The following UBE3D variants were observed in gnomAD, a reference collection of about 807,000 sequenced individuals.
UBE3D encodes ubiquitin protein ligase E3D, also known as E3 ubiquitin-protein ligase E3D.
UBE3D carries 48 observed loss-of-function variants against 49.6 expected under a neutral mutation model. The observed-to-expected ratio is 0.97, with a 90% confidence interval of 0.77 to 1.23. UBE3D has a LOEUF of 1.23. Ranked by LOEUF, UBE3D falls within the 50% of genes most tolerant of loss-of-function variation. UBE3D has a pLI of 0.00. For synonymous variants in UBE3D, 189 were observed against 174.2 expected, an observed-to-expected ratio of 1.08 and a Z score of -0.67; for missense variants, 452 against 468.4, an observed-to-expected ratio of 0.96 and a Z score of 0.32.
intron 9 of UBE3D, among the ~76,000 whole-genome samples, chr6:82,944,109 G>A (rs1032624980): frequency 1.3e-5 from 2 of 151,884 alleles, no homozygotes; most frequent in Non-Finnish European, 2.9e-5. Context: ...TGGGGGTGAT[G>A]CAACCTACTG....
At chr6:83,013,817 T>C (rs540686343) in intron 8 of UBE3D, among the ~76,000 whole-genome samples, 1 of 152,326 alleles carries the variant, frequency 6.6e-6, no homozygotes, top group African/African-American at 2.4e-5. Context: ...TCCAGTGTGT[T>C]TGCTACTTCT....
chr6:82,992,686 TA>T (rs1171478524), intron 8 of UBE3D, among the ~76,000 whole-genome samples: 1 of 152,198 alleles, frequency 6.6e-6, no homozygotes, highest in Non-Finnish European at 1.5e-5. Flanking sequence ...GCTGTGTGTG[TA>T]TACTTGAATA....
intron 5 of UBE3D, among the ~76,000 whole-genome samples, chr6:83,027,460 A>AAAAAAAAAAAAAAAAAAC (rs1472360166): frequency 1.3e-5 from 2 of 148,654 alleles, no homozygotes; most frequent in Non-Finnish European, 1.5e-5. Flanking sequence ...AAAAAAAAAA[A>AAAAAAAAAAAAAAAAAAC]AGAAACCACT....
intron 8 of UBE3D, among the ~76,000 whole-genome samples, chr6:82,995,396 T>TTC (rs80045706): frequency 0.88 from 132,798 of 151,656 alleles, 58,213 homozygotes; most frequent in East Asian, 0.96. Flanking sequence ...AATTTAAAAC[T>TTC]TGTTTGTCAA....
the UBE3D span, among the ~76,000 whole-genome samples, chr6:82,885,172 A>AT: frequency 1.3e-5 from 2 of 151,780 alleles, no homozygotes; most frequent in African/African-American, 2.4e-5. Context: ...AAAAAAAAAA[A>AT]GCACTGACAA....
At chr6:83,054,378 A>C (rs1472019224) in intron 2 of UBE3D, 140 bp from the exon 3 acceptor site, 1 of 631,102 alleles carries the variant, frequency 1.6e-6, no homozygotes, top group African/African-American at 1.8e-5. Context: ...AATTAATACT[A>C]TCTGATGACT....
At chr6:83,041,578 A>T (rs1782673280) in intron 4 of UBE3D, among the ~76,000 whole-genome samples, 1 of 152,200 alleles carries the variant, frequency 6.6e-6, no homozygotes, top group Non-Finnish European at 1.5e-5. Context: ...CATTTCAGGA[A>T]AAAAAGAGCA....
intron 9 of UBE3D, among the ~76,000 whole-genome samples, chr6:82,927,872 G>A (rs563461122): frequency 5.9e-4 from 90 of 151,874 alleles, no homozygotes; most frequent in East Asian, 2.3e-3. Context: ...AAGATCAGTC[G>A]GTGCCAGTAG....
intron 1 of UBE3D, 128 bp downstream of exon 1, chr6:83,065,514 T>C (rs1341923666): frequency 2.4e-6 from 2 of 835,896 alleles, no homozygotes; most frequent in Non-Finnish European, 3.7e-6. Context: ...CTTTGAGTGA[T>C]CGAGAGGCTC....
chr6:83,001,287 A>T (rs1203564812), intron 8 of UBE3D, among the ~76,000 whole-genome samples: 4 of 152,204 alleles, frequency 2.6e-5, no homozygotes, highest in Non-Finnish European at 4.4e-5. Flanking sequence ...GATTGTAATA[A>T]GTCTGTGATA....
chr6:83,044,567 G>C lies in UBE3D; in HGVS notation c.458C>G (p.Ser153Ter). The C allele has an allele frequency of 1.2e-6, 2 of 1,614,118 alleles. No homozygotes were observed. Among genetic ancestry groups the C allele is most frequent in the Non-Finnish European group, 1.7e-6 (2 of 1,180,006 alleles). The stretch of plus-strand genomic sequence containing the variant: ...ACAGTCATTCTCTTGCGGATGAAGT[G>C]ATTTATTAGCAAAGGGGTCAGGATG... ...CCHPDPFANK[S>*]LHPQENDCFI... Residue 153 changes from serine to a stop codon, truncating the protein, a stop_gained, in exon 4 of 10, where the codon TCA becomes TGA. Transcript: ENST00000369747. LOFTEE classifies it high-confidence loss of function.
At chr6:82,961,990 A>ACG (rs1554192581) in intron 8 of UBE3D, among the ~76,000 whole-genome samples, 1 of 52,618 alleles carries the variant, frequency 1.9e-5, no homozygotes, top group Non-Finnish European at 4.9e-5. Context: ...TATTTTTTAT[A>ACG]CGTGTGTGTG....
chr6:82,918,244 C>A (rs1308674255), intron 9 of UBE3D, among the ~76,000 whole-genome samples: 12 of 150,966 alleles, frequency 7.9e-5, no homozygotes, highest in Admixed American at 2.6e-4. Context: ...ATTTACCCTT[C>A]TACCAGGGAA....
chr6:83,031,417 G>A (rs181149876), intron 5 of UBE3D, among the ~76,000 whole-genome samples: 2,048 of 152,308 alleles, frequency 0.013, 53 homozygotes, highest in African/African-American at 0.047. Context: ...CCATTTTCTG[G>A]GGGGAAATTC....
At chr6:83,020,137 A>T (rs1011557325) in intron 7 of UBE3D, among the ~76,000 whole-genome samples, 1 of 152,242 alleles carries the variant, frequency 6.6e-6, no homozygotes, top group Non-Finnish European at 1.5e-5. Context: ...ACAAATTCTT[A>T]TATTACATTA....
intron 8 of UBE3D, among the ~76,000 whole-genome samples, chr6:82,985,351 TTTTTGTTTTG>T (rs200511813): frequency 3.7e-4 from 57 of 152,034 alleles, no homozygotes; most frequent in Middle Eastern, 3.4e-3. Context: ...TGGTTTTGTT[TTTTTGTTTTG>T]TTTTGTTTTG....
At chr6:82,925,191 G>C (rs1773656041) in intron 9 of UBE3D, 1 of 152,148 alleles carries the variant, frequency 6.6e-6, no homozygotes, top group Non-Finnish European at 1.5e-5. Flanking sequence ...TGTAAGCAAA[G>C]TCTACCTTAA....
intron 8 of UBE3D, among the ~76,000 whole-genome samples, chr6:82,997,153 A>G (rs1161208266): frequency 2.0e-5 from 3 of 152,118 alleles, no homozygotes; most frequent in Non-Finnish European, 2.9e-5. Flanking sequence ...AAATAAATAT[A>G]CCCCAAGAAC....
chr6:83,037,546 C>A (rs1022348345), intron 5 of UBE3D: 5 of 152,116 alleles, frequency 3.3e-5, no homozygotes, highest in African/African-American at 1.2e-4. Flanking sequence ...TCCTTTCTGG[C>A]TCACTGTGAA....
Sources: gnomAD v4.1 joint callset for allele counts (sites outside exome capture counted in the v4.1 genomes callset) on GRCh38, gnomAD v4.1.1 for gene constraint, MANE v1.5 for transcripts, NCBI Gene and HGNC (gene_info 2026-07-23, HGNC 2026-07-21) for gene names.